The following CXXC4 variants were observed in gnomAD, a reference collection of about 807,000 sequenced individuals.
The protein encoded by CXXC4 is CXXC finger protein 4, also known as CXXC-type zinc finger protein 4.
In CXXC4, 5 loss-of-function variants were observed where a neutral mutation model predicts 20.5. That is an observed-to-expected ratio of 0.24 (90% CI 0.13 to 0.51). The LOEUF (loss-of-function observed/expected upper bound fraction) is 0.51. Ranked by LOEUF, CXXC4 falls within the 20% of genes least tolerant of loss-of-function variation. The pLI is 0.97. For synonymous variants in CXXC4, 250 were observed against 216.4 expected (o/e 1.16, Z -1.36); for missense variants, 419 against 496.4 (o/e 0.84, Z 1.48).
At chr4:104,490,707 G>C (rs757880894) in intron 2 of CXXC4, 37 bp downstream of exon 2, 54 of 1,542,502 alleles carry the variant, frequency 3.5e-5, no homozygotes, top group Admixed American at 7.1e-5. Flanking sequence ...AGGAGGGAAG[G>C]GGGGAGACTG....
In CXXC4 at chr4:104,468,446, T is replaced by C. The variant is rs1736178015; in HGVS notation, c.*3876A>G. On this transcript the variant is annotated 3_prime_UTR_variant, in exon 3 of 3. Coordinates refer to ENST00000394767, the MANE Select transcript of CXXC4 (RefSeq NM_025212.4). ...ATGCCCCATAAGTAATTTTCTTTAA[T>C]AAATACACTGTTTTCCAAAACCGTT... The C allele has an allele frequency of 6.6e-6, 1 of 150,680 alleles. No homozygotes were observed. Among genetic ancestry groups the C allele is most frequent in the African/African-American group, 2.4e-5 (1 of 41,070 alleles). 9.3% of individuals were successfully genotyped at this position (150,680 alleles called of 1,614,324 possible).
Position 104,468,393 on chromosome 4 carries a change from C to CCT in CXXC4, c.*3928_*3929insAG, listed in dbSNP as rs1553912594. The CCT allele has an allele frequency of 7.1e-6, 1 of 141,424 alleles. No homozygotes were observed. Among genetic ancestry groups the CCT allele is most frequent in the Admixed American group, 7.1e-5 (1 of 14,080 alleles). The allele number at this position is 141,424 out of a possible 1,614,324, so 8.8% of individuals were successfully genotyped here. On this transcript the variant is annotated 3_prime_UTR_variant, in exon 3 of 3. Coordinates refer to ENST00000394767, the MANE Select transcript of CXXC4 (RefSeq NM_025212.4). Reference sequence around the variant, plus strand: ...GGCAAATTGAATGTGATTTTTTTTACTTTTTTTTTTTTTTTACAGTTTTGT... The same window carrying CCT: ...GGCAAATTGAATGTGATTTTTTTTACCTTTTTTTTTTTTTTTTACAGTTTTGT...
chr4:104,481,304 C>A (rs540671214), intron 2 of CXXC4, among the ~76,000 whole-genome samples: 2 of 151,986 alleles, frequency 1.3e-5, no homozygotes, highest in Non-Finnish European at 2.9e-5. Flanking sequence ...CTGGGGTGGG[C>A]GGATTACATG....
rs753949637 is a variant in CXXC4, at chr4:104,491,152, G to C, written c.651C>G (p.Leu217=). The C allele has an allele frequency of 6.8e-6, 11 of 1,614,022 alleles. No homozygotes were observed. The East Asian group carries it at 2.5e-4, about 36-fold the overall frequency. The change falls in exon 2 of 3, where the codon CTC becomes CTG. Residue 217 remains leucine (L), a synonymous_variant. Transcript: ENST00000394767. ...RPLAGECMNK[L]KCGAAEAEIM... The stretch of plus-strand genomic sequence containing the variant: ...TCTCTGCTTCAGCAGCGCCGCATTT[G>C]AGCTTGTTCATGCATTCCCCCGCCA...
At chr4:104,478,447 T>G (rs969741665) in intron 2 of CXXC4, among the ~76,000 whole-genome samples, 1 of 152,100 alleles carries the variant, frequency 6.6e-6, no homozygotes, top group Non-Finnish European at 1.5e-5. Flanking sequence ...AAATGACAGA[T>G]TAACACCACG....
In CXXC4 at chr4:104,491,966, G is replaced by A. The variant is rs1281720846; in HGVS notation, c.-164C>T. The A allele has an allele frequency of 1.7e-5, 7 of 419,830 alleles. No homozygotes were observed. The highest frequency in any genetic ancestry group is 2.1e-5 in the Non-Finnish European group (5 of 238,340). 26.0% of individuals were successfully genotyped at this position (419,830 alleles called of 1,614,324 possible). A position where few individuals can be genotyped will look rare whatever the true frequency, so the allele number is the denominator to read the frequency against. Reference sequence around the variant, plus strand: ...AGTGGGTTCGGGTGGGGAGAGCAAGGTGAGGGCTGCTTTATTCCTCTCTGG... The same window carrying A: ...AGTGGGTTCGGGTGGGGAGAGCAAGATGAGGGCTGCTTTATTCCTCTCTGG... On this transcript the variant is annotated 5_prime_UTR_variant, in exon 2 of 3. Transcript: ENST00000394767.
rs1229231667 is a variant in CXXC4, at chr4:104,494,787, G to A, written c.-344C>T. ...GGGTGGAAGGAGGAGGAGGTGGGGG[G>A]AGAGGAAAGAGTCGAGTGTGAGTGT... On this transcript the variant is annotated 5_prime_UTR_variant, in exon 1 of 3. Coordinates refer to ENST00000394767, the MANE Select transcript of CXXC4 (RefSeq NM_025212.4). 6.8e-6 allele frequency: 1 copy of A among 146,198 alleles called. No homozygotes were observed. Among genetic ancestry groups the A allele is most frequent in the African/African-American group, 2.5e-5 (1 of 39,824 alleles). 9.1% of individuals were successfully genotyped at this position (146,198 alleles called of 1,614,324 possible).
At chr4:104,490,493 T>C (rs909480242) in intron 2 of CXXC4, among the ~76,000 whole-genome samples, 2 of 152,206 alleles carry the variant, frequency 1.3e-5, no homozygotes, top group Non-Finnish European at 2.9e-5. Flanking sequence ...GATTCTTCAA[T>C]TACATTATTT....
chr4:104,472,556 T>A (rs1204969327), intron 2 of CXXC4, among the ~76,000 whole-genome samples, 190 bp from the exon 3 acceptor site: 1 of 152,034 alleles, frequency 6.6e-6, no homozygotes, highest in East Asian at 1.9e-4. Flanking sequence ...AATATTGAAT[T>A]TAATGCTAAC....
Position 104,491,038 on chromosome 4 carries a change from T to A in CXXC4, c.765A>T (p.Thr255=). The change falls in exon 2 of 3, where the codon ACA becomes ACT. Residue 255 remains threonine (T), a synonymous_variant. Transcript: ENST00000394767. The part of the protein sequence containing the change: ...ISLPPGVIVM[T]ALHSPAAASA... ...AGGCTGCTGCGGGGGAGTGAAGGGC[T>A]GTCATGACGATGACCCCTGGAGGTA... 1.2e-6 allele frequency: 2 copies of A among 1,614,008 alleles called. No homozygotes were observed. Among genetic ancestry groups the A allele is most frequent in the Non-Finnish European group, 1.7e-6 (2 of 1,180,000 alleles).
At chr4:104,489,959 G>A (rs982725704) in intron 2 of CXXC4, among the ~76,000 whole-genome samples, 1 of 152,114 alleles carries the variant, frequency 6.6e-6, no homozygotes, top group Non-Finnish European at 1.5e-5. Context: ...GAGCCCAGGG[G>A]AAATACTTTT....
chr4:104,481,969 T>C (rs962682450), intron 2 of CXXC4, among the ~76,000 whole-genome samples: 1 of 152,218 alleles, frequency 6.6e-6, no homozygotes, highest in East Asian at 1.9e-4. Flanking sequence ...AATAGTGATA[T>C]TGCTGTTGCT....
chr4:104,491,681 C>T lies in CXXC4; in HGVS notation c.122G>A (p.Arg41His). The change falls in exon 2 of 3, where the codon CGC becomes CAC. Residue 41 changes from arginine (R) to histidine (H), a missense_variant. By Grantham distance (29) the Arg-to-His change is conservative. This residue lies in a region of CXXC4 where 388 missense variants were observed against 416.0 expected (regional missense o/e 0.93). Transcript: ENST00000394767. ...SLVDYNSEME[R>H]YRSFATSFYK... The stretch of plus-strand genomic sequence containing the variant: ...GAAGGAGGTGGCAAAGGAGCGGTAG[C>T]GCTCCATTTCCGAGTTGTAATCCAC... The T allele has an allele frequency of 6.5e-7, 1 of 1,544,844 alleles. No individual in the cohort carries two copies. Among genetic ancestry groups the T allele is most frequent in the Non-Finnish European group, 8.7e-7 (1 of 1,144,422 alleles).
At chr4:104,478,572 C>T (rs1392217241) in intron 2 of CXXC4, among the ~76,000 whole-genome samples, 4 of 152,048 alleles carry the variant, frequency 2.6e-5, no homozygotes, top group Admixed American at 6.6e-5. Flanking sequence ...AATTATATTT[C>T]AGTTAAATTT....
chr4:104,474,525 C>T (rs1306605272), intron 2 of CXXC4, among the ~76,000 whole-genome samples: 1 of 151,862 alleles, frequency 6.6e-6, no homozygotes, highest in Non-Finnish European at 1.5e-5. Context: ...CTGATGCCAA[C>T]TAAGAATAAA....
Position 104,491,126 on chromosome 4 carries a change from A to C in CXXC4, c.677T>G (p.Ile226Arg). The C allele has an allele frequency of 2.5e-6, 4 of 1,614,104 alleles. No individual in the cohort carries two copies. Among genetic ancestry groups the C allele is most frequent in the South Asian group, 1.1e-5 (1 of 91,086 alleles). Reference sequence around the variant, plus strand: ...CCCCACGCGCTCGGGGAGATTCATTATCTCTGCTTCAGCAGCGCCGCATTT... The same window carrying C: ...CCCCACGCGCTCGGGGAGATTCATTCTCTCTGCTTCAGCAGCGCCGCATTT... ...KLKCGAAEAE[I>R]MNLPERVGTF... The change falls in exon 2 of 3, where the codon ATA (isoleucine) becomes AGA (arginine). Residue 226 changes from isoleucine (I) to arginine (R), a missense_variant. Ile to Arg is a moderately conservative substitution (Grantham distance 97, BLOSUM62 -3). Transcript: ENST00000394767.
chr4:104,494,362 C>T (rs553050720), intron 1 of CXXC4: 1 of 151,886 alleles, frequency 6.6e-6, no homozygotes, highest in Non-Finnish European at 1.5e-5. Flanking sequence ...GGAGGAGGGG[C>T]GGGTGCAGAC....
rs1052981124 is a variant in CXXC4, at chr4:104,472,103, G to C, written c.*219C>G. The C allele has an allele frequency of 5.3e-6, 2 of 378,698 alleles. No homozygotes were observed. The highest frequency in any genetic ancestry group is 2.1e-5 in the African/African-American group (1 of 47,344). 23.5% of individuals were successfully genotyped at this position (378,698 alleles called of 1,614,324 possible). The stretch of plus-strand genomic sequence containing the variant: ...ACATCAAAGAAAGAATCAGCGTATT[G>C]AAAGTAAATAGACTGGCCAATTCTC... On this transcript the variant is annotated 3_prime_UTR_variant, in exon 3 of 3. Transcript: ENST00000394767.
In CXXC4 at chr4:104,491,287, G is replaced by C. The variant is rs368959514; in HGVS notation, c.516C>G (p.His172Gln). The change falls in exon 2 of 3, where the codon CAC (histidine) becomes CAG (glutamine). Residue 172 changes from histidine (H) to glutamine (Q), a missense_variant. By Grantham distance (24) the His-to-Gln change is conservative. Coordinates refer to ENST00000394767, the MANE Select transcript of CXXC4 (RefSeq NM_025212.4). ...TCCCCAGCCTCTGGGAGTCGTTTCGGTGGTGCATGCTGGTCCTGCTGCCGC... is the reference window on the plus strand; with the variant it reads ...TCCCCAGCCTCTGGGAGTCGTTTCGCTGGTGCATGCTGGTCCTGCTGCCGC... ...GGGGSRTSMHHRNDSQRLGKA... is the reference protein window; with the variant it reads ...GGGGSRTSMHQRNDSQRLGKA... 33 of 1,611,496 alleles carry C rather than the reference G, an allele frequency of 2.0e-5. No homozygotes were observed. The highest frequency in any genetic ancestry group is 2.7e-5 in the Non-Finnish European group (32 of 1,179,626).
Sources: allele counts gnomAD v4.1 joint callset (sites outside exome capture counted in the v4.1 genomes callset), GRCh38; gene constraint gnomAD v4.1.1; regional missense constraint gnomAD v4.1.1; transcripts MANE v1.5; gene names NCBI Gene and HGNC (gene_info 2026-07-23, HGNC 2026-07-21).